The following GPC5 variants were observed in gnomAD, a reference collection of about 807,000 sequenced individuals.
The protein encoded by GPC5 is glypican 5, also known as glypican-5.
In GPC5, 47 loss-of-function variants were observed where a neutral mutation model predicts 53.9. The observed-to-expected ratio is 0.87, with a 90% CI of 0.69 to 1.11. GPC5 has a LOEUF of 1.11. Ranked by LOEUF, GPC5 falls within the 50% of genes most tolerant of loss-of-function variation. The pLI is 0.00. For synonymous variants in GPC5, 286 were observed against 263.3 expected (o/e 1.09, Z -0.84); for missense variants, 748 against 713.1 (o/e 1.05, Z -0.56).
At chr13:92,753,486 CT>C (rs1815294142) in intron 7 of GPC5, among the ~76,000 whole-genome samples, 1 of 152,212 alleles carries the variant, frequency 6.6e-6, no homozygotes, top group African/African-American at 2.4e-5. Context: ...CGGAGAATGA[CT>C]TTGATGAGCT....
Position 92,663,721 on chromosome 13 carries a change from C to A in GPC5, c.1562-202561C>A, listed in dbSNP as rs1387663452. On this transcript the variant is annotated intron_variant, in intron 7 of 7. Transcript: ENST00000377067. ...TATATTATATATCTACTATATATAT[C>A]TACTAAATATATCTACTATATATAT... 2.5e-5 allele frequency among the ~76,000 whole-genome samples: 3 copies of A among 122,326 alleles called. 1 individual carries two copies. Among genetic ancestry groups the A allele is most frequent in the African/African-American group, 8.7e-5 (3 of 34,496 alleles). 80.3% of individuals were successfully genotyped at this position (122,326 alleles called of 152,430 possible). A position where few individuals can be genotyped will look rare whatever the true frequency, so the allele number is the denominator to read the frequency against.
chr13:92,103,662 G>A (rs546173962), intron 6 of GPC5, among the ~76,000 whole-genome samples: 2 of 152,250 alleles, frequency 1.3e-5, no homozygotes, highest in East Asian at 3.9e-4. Flanking sequence ...GTGCATGTGT[G>A]TGCACAAGAA....
chr13:91,763,586 A>G (rs893235223), intron 5 of GPC5, among the ~76,000 whole-genome samples: 2 of 152,224 alleles, frequency 1.3e-5, no homozygotes, highest in Non-Finnish European at 2.9e-5. Context: ...ATCACATTGC[A>G]GATTACACAT....
chr13:91,687,905 G>A (rs1204980641), intron 2 of GPC5, among the ~76,000 whole-genome samples: 2 of 152,138 alleles, frequency 1.3e-5, no homozygotes, highest in African/African-American at 2.4e-5. Context: ...GAAAGAAACC[G>A]TAGTTTCTCT....
chr13:91,551,365 G>A (rs1200586358), intron 2 of GPC5, among the ~76,000 whole-genome samples: 2 of 152,020 alleles, frequency 1.3e-5, no homozygotes, highest in Admixed American at 1.3e-4. Context: ...AAAGAGTAAG[G>A]CAGGCAATGT....
At chr13:92,321,716 A>G (rs755000699) in intron 7 of GPC5, among the ~76,000 whole-genome samples, 1 of 152,114 alleles carries the variant, frequency 6.6e-6, no homozygotes, top group African/African-American at 2.4e-5. Flanking sequence ...TCTTCCTTAT[A>G]CCTTTAAAAG....
intron 7 of GPC5, among the ~76,000 whole-genome samples, chr13:92,526,587 G>A (rs148770901): frequency 8.6e-4 from 131 of 152,038 alleles, no homozygotes; most frequent in African/African-American, 3.1e-3. Flanking sequence ...GACATAGAAG[G>A]ATTTTAAAGA....
chr13:91,973,592 G>A (rs1183578885), intron 6 of GPC5, among the ~76,000 whole-genome samples: 3 of 152,152 alleles, frequency 2.0e-5, no homozygotes, highest in Non-Finnish European at 4.4e-5. Flanking sequence ...CCCCATCTTT[G>A]TGGTTTTATC....
intron 7 of GPC5, among the ~76,000 whole-genome samples, chr13:92,182,321 G>A (rs1038740155): frequency 3.9e-5 from 6 of 152,100 alleles, no homozygotes; most frequent in African/African-American, 1.4e-4. Flanking sequence ...GACTTTATCA[G>A]TAAAAAACGA....
intron 7 of GPC5, among the ~76,000 whole-genome samples, chr13:92,466,015 T>C (rs1878676656): frequency 6.6e-6 from 1 of 151,900 alleles, no homozygotes; most frequent in Admixed American, 6.6e-5. Context: ...TAATAATGTG[T>C]TGTAGATTTC....
chr13:91,712,344 G>A (rs1341534412), intron 3 of GPC5, among the ~76,000 whole-genome samples: 1 of 151,494 alleles, frequency 6.6e-6, no homozygotes, highest in Admixed American at 6.6e-5. Flanking sequence ...ATATATGTGT[G>A]TGTGTGTATT....
intron 7 of GPC5, among the ~76,000 whole-genome samples, chr13:92,367,681 A>G (rs2043616996): frequency 6.6e-6 from 1 of 152,224 alleles, no homozygotes. Flanking sequence ...ATCTTTATCT[A>G]ACTGTGTAAA....
intron 7 of GPC5, among the ~76,000 whole-genome samples, chr13:92,780,418 A>G (rs980126867): frequency 6.7e-6 from 1 of 150,234 alleles, no homozygotes; most frequent in Non-Finnish European, 1.5e-5. Flanking sequence ...AGTGTAATTT[A>G]TATTTCACTT....
At chr13:92,509,810 CA>C (rs1226888809) in intron 7 of GPC5, 1 of 152,040 alleles carries the variant, frequency 6.6e-6, no homozygotes, top group African/African-American at 2.4e-5. Context: ...AACATGGGCG[CA>C]ATGAGAGATA....
intron 6 of GPC5, among the ~76,000 whole-genome samples, chr13:91,925,114 C>T (rs2039754929): frequency 6.6e-6 from 1 of 152,082 alleles, no homozygotes; most frequent in Non-Finnish European, 1.5e-5. Context: ...CTACTGTGCC[C>T]GGCCACTTCG....
intron 5 of GPC5, among the ~76,000 whole-genome samples, chr13:91,849,474 C>G (rs962753249): frequency 2.0e-5 from 3 of 151,390 alleles, no homozygotes; most frequent in African/African-American, 7.3e-5. Context: ...TTTTTCATAT[C>G]TAGCCAAATT....
At chr13:91,514,242 G>C (rs1286313445) in intron 2 of GPC5, among the ~76,000 whole-genome samples, 1 of 152,142 alleles carries the variant, frequency 6.6e-6, no homozygotes, top group Non-Finnish European at 1.5e-5. Flanking sequence ...CTGAATGGCT[G>C]TACCATTTTA....
At chr13:92,027,595 G>C (rs577000934) in intron 6 of GPC5, among the ~76,000 whole-genome samples, 3 of 152,136 alleles carry the variant, frequency 2.0e-5, no homozygotes, top group African/African-American at 7.2e-5. Flanking sequence ...AAGTCTCTGG[G>C]GTAGGGATTA....
At chr13:91,780,585 A>T (rs967139908) in intron 5 of GPC5, among the ~76,000 whole-genome samples, 1 of 152,078 alleles carries the variant, frequency 6.6e-6, no homozygotes, top group Non-Finnish European at 1.5e-5. Context: ...TCCCCAACAG[A>T]TTGTTTGGAA....
Sources: gnomAD v4.1 joint callset for allele counts (sites outside exome capture counted in the v4.1 genomes callset) on GRCh38, gnomAD v4.1.1 for gene constraint, MANE v1.5 for transcripts, NCBI Gene and HGNC (gene_info 2026-07-23, HGNC 2026-07-21) for gene names.